The following IMMP2L variants were observed in gnomAD, a reference collection of about 807,000 sequenced individuals.
IMMP2L encodes mitochondrial inner membrane protease subunit 2.
A neutral mutation model predicts 19.3 loss-of-function variants in IMMP2L; 18 were observed. That is an observed-to-expected ratio of 0.93 (90% confidence interval 0.64 to 1.38). The LOEUF (loss-of-function observed/expected upper bound fraction) is 1.38, where lower values mean the gene tolerates loss of function less well. Ranked by LOEUF, IMMP2L falls within the 40% of genes most tolerant of loss-of-function variation. IMMP2L has a pLI of 0.00. For missense variants in IMMP2L, 233 were observed against 218.2 expected (o/e 1.07, Z -0.43); for synonymous variants, 76 against 73.0 (o/e 1.04, Z -0.21).
chr7:111,548,477 A>G (rs981780653), intron 1 of IMMP2L, among the ~76,000 whole-genome samples: 1 of 152,102 alleles, frequency 6.6e-6, no homozygotes, highest in Non-Finnish European at 1.5e-5. Context: ...CTGTCTTTAG[A>G]TATATGATAC....
intron 4 of IMMP2L, among the ~76,000 whole-genome samples, chr7:110,949,761 T>A (rs1817605085): frequency 6.6e-6 from 1 of 151,974 alleles, no homozygotes. Flanking sequence ...AAAAAAACAG[T>A]AAGTGCAATT....
chr7:110,893,860 AT>A (rs565094086), intron 4 of IMMP2L, among the ~76,000 whole-genome samples: 2 of 152,096 alleles, frequency 1.3e-5, no homozygotes, highest in East Asian at 1.9e-4. Context: ...GGAAAAAATG[AT>A]TTTTTTTCTT....
intron 5 of IMMP2L, among the ~76,000 whole-genome samples, chr7:110,811,731 T>C (rs1802053978): frequency 6.6e-6 from 1 of 152,080 alleles, no homozygotes; most frequent in African/African-American, 2.4e-5. Context: ...ATCATGGATA[T>C]GTGCTGTATT....
chr7:111,058,579 G>A (rs1421453473), intron 3 of IMMP2L, among the ~76,000 whole-genome samples: 1 of 152,144 alleles, frequency 6.6e-6, no homozygotes, highest in Non-Finnish European at 1.5e-5. Context: ...TATGAATTGG[G>A]ATGATTAGAG....
At chr7:110,765,534 T>C (rs1798605949) in intron 5 of IMMP2L, among the ~76,000 whole-genome samples, 1 of 152,154 alleles carries the variant, frequency 6.6e-6, no homozygotes, top group South Asian at 2.1e-4. Context: ...ACAACCACTT[T>C]CTATTTAGGA....
intron 3 of IMMP2L, among the ~76,000 whole-genome samples, chr7:111,458,799 A>G (rs563782129): frequency 6.2e-4 from 94 of 152,228 alleles, no homozygotes; most frequent in Non-Finnish European, 1.0e-3. Flanking sequence ...TTTAGCCTTT[A>G]TTTTTAACCA....
At chr7:111,428,238 ACT>A (rs1836277543) in intron 3 of IMMP2L, among the ~76,000 whole-genome samples, 1 of 151,784 alleles carries the variant, frequency 6.6e-6, no homozygotes, top group South Asian at 2.1e-4. Context: ...CAAATAAGTC[ACT>A]CTGTCTTCTT....
chr7:110,776,055 T>C (rs2396275), intron 5 of IMMP2L, among the ~76,000 whole-genome samples: 49,291 of 151,892 alleles, frequency 0.32, 9,845 homozygotes, highest in East Asian at 0.68. Context: ...CAATAATAAA[T>C]AATCCGTAAT....
chr7:110,918,363 A>T (rs1813851329), intron 4 of IMMP2L, among the ~76,000 whole-genome samples: 1 of 152,082 alleles, frequency 6.6e-6, no homozygotes, highest in African/African-American at 2.4e-5. Context: ...ACAGCTCTAA[A>T]ACTTTAGCGT....
At chr7:111,489,909 C>T (rs1842952233) in intron 2 of IMMP2L, among the ~76,000 whole-genome samples, 1 of 151,996 alleles carries the variant, frequency 6.6e-6, no homozygotes, top group African/African-American at 2.4e-5. Context: ...TGCTTTTCTG[C>T]CTCAGCCTCC....
At chr7:111,495,673 A>C (rs1366930565) in intron 2 of IMMP2L, among the ~76,000 whole-genome samples, 2 of 152,176 alleles carry the variant, frequency 1.3e-5, no homozygotes, top group Non-Finnish European at 2.9e-5. Flanking sequence ...CTGTTTTGTA[A>C]GACTTAACTG....
At chr7:111,408,611 A>G (rs1307671182) in intron 3 of IMMP2L, among the ~76,000 whole-genome samples, 3 of 151,784 alleles carry the variant, frequency 2.0e-5, no homozygotes, top group Non-Finnish European at 4.4e-5. Flanking sequence ...TATCTTTTTC[A>G]TATGAAAGTT....
chr7:110,828,487 A>G (rs1803693031), intron 5 of IMMP2L, among the ~76,000 whole-genome samples: 1 of 152,150 alleles, frequency 6.6e-6, no homozygotes, highest in Non-Finnish European at 1.5e-5. Flanking sequence ...GGATTATATG[A>G]TCAATAATGG....
chr7:111,175,378 A>G (rs932292422), intron 3 of IMMP2L, among the ~76,000 whole-genome samples: 4 of 151,884 alleles, frequency 2.6e-5, no homozygotes, highest in Non-Finnish European at 5.9e-5. Context: ...AAGTAATACA[A>G]TATGTACACT....
intron 3 of IMMP2L, among the ~76,000 whole-genome samples, chr7:111,021,206 C>A (rs1826241408): frequency 6.6e-6 from 1 of 152,226 alleles, no homozygotes; most frequent in Non-Finnish European, 1.5e-5. Flanking sequence ...GCTATTTCCT[C>A]ATGGCAGACA....
intron 3 of IMMP2L, among the ~76,000 whole-genome samples, chr7:111,243,007 G>C (rs975588419): frequency 6.6e-6 from 1 of 151,836 alleles, no homozygotes; most frequent in Non-Finnish European, 1.5e-5. Flanking sequence ...ATTTTTTTCT[G>C]TCATATCACA....
intron 3 of IMMP2L, among the ~76,000 whole-genome samples, chr7:111,118,143 C>T (rs1430369171): frequency 2.0e-5 from 3 of 152,184 alleles, no homozygotes; most frequent in South Asian, 4.2e-4. Flanking sequence ...ATCAAATCTA[C>T]TGTGCATCAT....
At chr7:111,055,539 G>A (rs935486657) in intron 3 of IMMP2L, among the ~76,000 whole-genome samples, 10 of 152,054 alleles carry the variant, frequency 6.6e-5, no homozygotes, top group African/African-American at 2.2e-4. Context: ...GTTCTCTTCC[G>A]CACTATCTAA....
At chr7:110,976,799 G>A (rs1382866440) in intron 3 of IMMP2L, among the ~76,000 whole-genome samples, 6 of 151,816 alleles carry the variant, frequency 4.0e-5, no homozygotes, top group Non-Finnish European at 8.8e-5. Context: ...GAACATACTG[G>A]CTCCCTACAT....
Sources: allele counts gnomAD v4.1 joint callset (sites outside exome capture counted in the v4.1 genomes callset), GRCh38; gene constraint gnomAD v4.1.1; transcripts MANE v1.5; gene names NCBI Gene and HGNC (gene_info 2026-07-23, HGNC 2026-07-21).